Variants in ATP11A observed in about 807,000 individuals in gnomAD.
ATP11A encodes the protein phospholipid-transporting ATPase IH.
ATP11A carries 81 observed loss-of-function variants against 154.4 expected under a neutral mutation model. The observed-to-expected ratio is 0.52, with a 90% CI of 0.44 to 0.63. ATP11A has a LOEUF of 0.63. Ranked by LOEUF, ATP11A falls within the 30% of genes least tolerant of loss-of-function variation. ATP11A has a pLI of 0.00. For synonymous variants in ATP11A, 623 were observed against 585.9 expected, an observed-to-expected ratio of 1.06 and a Z score of -0.91; for missense variants, 1,316 against 1,474.3, an observed-to-expected ratio of 0.89 and a Z score of 1.76.
chr13:112,783,591 C>G (rs2077551347), intron 1 of ATP11A, among the ~76,000 whole-genome samples: 1 of 152,248 alleles, frequency 6.6e-6, no homozygotes, highest in African/African-American at 2.4e-5. Context: ...GCATTCCCCT[C>G]ATGGAGGAGG....
At position 112,823,393 on chromosome 13, in the gene ATP11A, C is replaced by T. The variant is rs1479220540; in HGVS notation, c.774C>T (p.Asn258=). Residue 258 remains asparagine (N), a synonymous_variant, in exon 9 of 30, where the codon AAC becomes AAT. Coordinates refer to ENST00000375645, the MANE Select transcript of ATP11A (RefSeq NM_015205.3). The stretch of plus-strand genomic sequence containing the variant: ...TGCTTAGAGGAGCTACACTGAAGAA[C>T]ACTGAGAAAATCTTTGGTAAATATT... The part of the protein sequence containing the change: ...NLLLRGATLK[N]TEKIFGVAIY... 2.5e-6 allele frequency: 4 copies of T among 1,612,268 alleles called. No homozygotes were observed. The South Asian group carries it at 4.4e-5, about 18-fold the overall frequency.
chr13:112,863,263 AAC>A (rs2080181914), intron 25 of ATP11A, among the ~76,000 whole-genome samples: 1 of 24,832 alleles, frequency 4.0e-5, no homozygotes, highest in Non-Finnish European at 8.4e-5. Flanking sequence ...ATTCAGTGCA[AAC>A]CATGCAGCTT....
intron 29 of ATP11A, chr13:112,881,638 T>C: frequency 1.7e-5 from 20 of 1,193,392 alleles, no homozygotes; most frequent in Non-Finnish European, 2.1e-5. Context: ...TCCATATGGC[T>C]TCTCTGGTGG....
At chr13:112,803,904 CTTCACCTCCCTCCCCCCATCCCCTCT>C in intron 2 of ATP11A, among the ~76,000 whole-genome samples, 3 of 97,908 alleles carry the variant, frequency 3.1e-5, no homozygotes, top group Non-Finnish European at 2.1e-5. Flanking sequence ...TCCTTCCCTC[CTTCACCTCCCTCCCCCCATCCCCTCT>C]CTGCCCTCCT....
chr13:112,832,135 C>T lies in ATP11A; in HGVS notation c.1395+587C>T, dbSNP rs779489622. Among the ~76,000 whole-genome samples, 10 of 152,088 alleles carry T rather than the reference C, an allele frequency of 6.6e-5. No individual in the cohort carries two copies. The South Asian group carries it at 1.2e-3, about 19-fold the overall frequency. ...GTGCACGCACAGACACATGCTCACA[C>T]GCAGACACACACATGCACTCTCACA... On this transcript the variant is annotated intron_variant, in intron 13 of 29. Coordinates refer to ENST00000375645, the MANE Select transcript of ATP11A (RefSeq NM_015205.3).
At chr13:112,809,982 C>T (rs1036471277) in intron 4 of ATP11A, among the ~76,000 whole-genome samples, 2 of 152,218 alleles carry the variant, frequency 1.3e-5, no homozygotes, top group Non-Finnish European at 2.9e-5. Flanking sequence ...CAGCCCCCTG[C>T]CTGTGCGTGC....
chr13:112,857,238 A>T (rs2079956713), intron 20 of ATP11A, among the ~76,000 whole-genome samples: 1 of 151,986 alleles, frequency 6.6e-6, no homozygotes, highest in Non-Finnish European at 1.5e-5. Flanking sequence ...AGGCACATAG[A>T]TGGGGGGGAA....
At chr13:112,806,362 C>A in intron 4 of ATP11A, 69 bp downstream of exon 4, 3 of 1,261,814 alleles carry the variant, frequency 2.4e-6, no homozygotes, top group Non-Finnish European at 2.3e-6. Flanking sequence ...TCATTCAAAG[C>A]GAGGTGATTG....
intron 1 of ATP11A, among the ~76,000 whole-genome samples, chr13:112,757,363 A>G (rs563526623): frequency 6.6e-6 from 1 of 152,388 alleles, no homozygotes; most frequent in East Asian, 1.9e-4. Context: ...CTAGAAGGCA[A>G]TGTGTTTAAT....
At chr13:112,849,607 A>C (rs894698173) in intron 17 of ATP11A, among the ~76,000 whole-genome samples, 1 of 152,246 alleles carries the variant, frequency 6.6e-6, no homozygotes, top group Admixed American at 6.5e-5. Flanking sequence ...CAGAGAATTC[A>C]TTCTGCAATT....
rs574411623 is a variant in ATP11A, at chr13:112,861,052, C to T, written c.2855+638C>T. 7.2e-5 allele frequency among the ~76,000 whole-genome samples: 11 copies of T among 152,140 alleles called. No individual in the cohort carries two copies. The South Asian group carries it at 1.0e-3, about 14-fold the overall frequency. ...GGCTGGGGAGGCCTCACAATCATGG[C>T]GGAAGGCATGAGGAGCAAAGGCACG... is the stretch of plus-strand genomic sequence containing the variant. On this transcript the variant is annotated intron_variant, in intron 24 of 29. Coordinates refer to ENST00000375645, the MANE Select transcript of ATP11A (RefSeq NM_015205.3).
intron 1 of ATP11A, among the ~76,000 whole-genome samples, chr13:112,769,325 G>A (rs747821211): frequency 3.3e-5 from 5 of 152,212 alleles, no homozygotes; most frequent in Non-Finnish European, 7.3e-5. Context: ...GGCACAGCAG[G>A]TGCAGCACAG....
In ATP11A at chr13:112,883,441, C is replaced by T. The variant is rs766192493; in HGVS notation, c.*1575C>T. 4.3e-5 allele frequency: 16 copies of T among 374,920 alleles called. No individual in the cohort carries two copies. The highest frequency in any genetic ancestry group is 6.1e-5 in the Non-Finnish European group (13 of 211,448). The allele number at this position is 374,920 out of a possible 1,614,324, so 23.2% of individuals were successfully genotyped here. Reference sequence around the variant, plus strand: ...GAGGAGCCGGCCCTCACGCCCGCCCCGCGCCACGCTGTGGAACGGGGCTCC... The same window carrying T: ...GAGGAGCCGGCCCTCACGCCCGCCCTGCGCCACGCTGTGGAACGGGGCTCC... On this transcript the variant is annotated 3_prime_UTR_variant, in exon 30 of 30. Transcript: ENST00000375645.
chr13:112,789,179 G>T (rs1393004579), intron 2 of ATP11A, among the ~76,000 whole-genome samples: 1 of 145,102 alleles, frequency 6.9e-6, no homozygotes, highest in African/African-American at 2.6e-5. Flanking sequence ...GACTCCTGTG[G>T]AGACCTACTT....
chr13:112,854,175 G>T (rs1424841347), intron 18 of ATP11A, 104 bp from the exon 19 acceptor site: 6 of 1,457,770 alleles, frequency 4.1e-6, no homozygotes, highest in Non-Finnish European at 5.6e-6. Context: ...ATTTTGAGGG[G>T]CTACGATATT....
Position 112,854,410 on chromosome 13 carries a change from C to T in ATP11A, c.2123C>T (p.Thr708Met), listed in dbSNP as rs371999976. The stretch of plus-strand genomic sequence containing the variant: ...GCCTGCAAGCTCTTCCGCAGGAACA[C>T]GCAGCTGCTGGAGCTGACCACCAAG... ...CYACKLFRRN[T>M]QLLELTTKRI... is the part of the protein sequence containing the mutation. The change falls in exon 19 of 30, where the codon ACG becomes ATG. Residue 708 changes from threonine to methionine, a missense_variant. Around this residue, in one of 5 missense-constraint regions of ATP11A, gnomAD observed 876 missense variants for 1,006.8 expected, o/e 0.87. Transcript: ENST00000375645. 6.2e-6 allele frequency: 10 copies of T among 1,613,548 alleles called. No homozygotes were observed. Among genetic ancestry groups the T allele is most frequent in the East Asian group, 2.2e-5 (1 of 44,890 alleles).
chr13:112,761,407 A>G (rs565631593), intron 1 of ATP11A, among the ~76,000 whole-genome samples: 1 of 152,358 alleles, frequency 6.6e-6, no homozygotes, highest in African/African-American at 2.4e-5. Context: ...TGGGAACAGC[A>G]TATTGTTATA....
intron 25 of ATP11A, among the ~76,000 whole-genome samples, chr13:112,867,276 C>T (rs1295893121): frequency 6.6e-6 from 1 of 152,236 alleles, no homozygotes; most frequent in Non-Finnish European, 1.5e-5. Flanking sequence ...ACACCCTGTG[C>T]GGTGTCAGCT....
intron 2 of ATP11A, among the ~76,000 whole-genome samples, chr13:112,787,873 A>C (rs949135484): frequency 6.9e-6 from 1 of 144,128 alleles, no homozygotes; most frequent in African/African-American, 2.7e-5. Flanking sequence ...CCTTGTGGAG[A>C]CCTACTTAAT....
Sources: allele counts gnomAD v4.1 joint callset (sites outside exome capture counted in the v4.1 genomes callset), GRCh38; gene constraint gnomAD v4.1.1; regional missense constraint gnomAD v4.1.1; transcripts MANE v1.5; gene names NCBI Gene and HGNC (gene_info 2026-07-23, HGNC 2026-07-21).